TMEM132C: variants seen among roughly 807,000 people sequenced by gnomAD.
TMEM132C encodes the protein transmembrane protein 132C, also known as protein phosphatase 1, regulatory subunit 152.
TMEM132C carries 29 observed loss-of-function variants against 61.4 expected under a neutral mutation model. That is an observed-to-expected ratio of 0.47 (90% CI 0.35 to 0.64). The LOEUF (loss-of-function observed/expected upper bound fraction) is 0.64. TMEM132C is among the 30% of genes least tolerant of loss of function. The pLI, the probability that TMEM132C is intolerant of heterozygous loss-of-function variation, is 0.00. For missense variants in TMEM132C, 1,408 were observed against 1,476.9 expected (o/e 0.95, Z 0.76); for synonymous variants, 656 against 633.1 (o/e 1.04, Z -0.54).
intron 1 of TMEM132C, among the ~76,000 whole-genome samples, chr12:128,271,636 G>A (rs1870525922): frequency 6.6e-6 from 1 of 152,206 alleles, no homozygotes; most frequent in African/African-American, 2.4e-5. Flanking sequence ...GAGCAGGGGT[G>A]TCCTCCTCTG....
At chr12:128,582,722 C>T (rs1490164900) in intron 3 of TMEM132C, among the ~76,000 whole-genome samples, 5 of 152,170 alleles carry the variant, frequency 3.3e-5, no homozygotes, top group African/African-American at 9.7e-5. Flanking sequence ...CGAGGCCTCC[C>T]TAGCCATCTG....
chr12:128,451,559 A>G (rs912430251), intron 2 of TMEM132C, among the ~76,000 whole-genome samples: 3 of 152,164 alleles, frequency 2.0e-5, no homozygotes, highest in Admixed American at 6.5e-5. Flanking sequence ...TTTTCATGAG[A>G]CCTATTGTTA....
intron 3 of TMEM132C, among the ~76,000 whole-genome samples, chr12:128,568,875 GA>G (rs1327735309): frequency 6.6e-6 from 1 of 152,152 alleles, no homozygotes; most frequent in African/African-American, 2.4e-5. Context: ...GCCAGAAAAG[GA>G]TTGTTACCAT....
At chr12:128,531,219 C>G (rs1032581611) in intron 2 of TMEM132C, among the ~76,000 whole-genome samples, 16 of 152,178 alleles carry the variant, frequency 1.1e-4, no homozygotes, top group African/African-American at 3.9e-4. Context: ...CTTAGGAAAT[C>G]CTACTGCTCT....
At chr12:128,410,370 T>TAC (rs1343258110) in intron 1 of TMEM132C, among the ~76,000 whole-genome samples, 5 of 128,640 alleles carry the variant, frequency 3.9e-5, no homozygotes, top group Non-Finnish European at 9.2e-5. Flanking sequence ...TCTGAATATA[T>TAC]ATACACACAC....
intron 2 of TMEM132C, among the ~76,000 whole-genome samples, chr12:128,475,577 A>T (rs578140917): frequency 0.012 from 1,802 of 152,298 alleles, 44 homozygotes; most frequent in Admixed American, 0.059. Context: ...CAATAAAAAA[A>T]AATTTAGGTT....
intron 6 of TMEM132C, 108 bp downstream of exon 6, chr12:128,694,142 T>C: frequency 2.3e-6 from 3 of 1,282,686 alleles, no homozygotes; most frequent in Non-Finnish European, 3.2e-6. Flanking sequence ...GTCTCAGCAG[T>C]TGAATCTCCC....
chr12:128,414,825 C>A lies in TMEM132C; in HGVS notation c.179C>A (p.Thr60Asn). ...AGCTACCACATCCTCAGAGCAGAGA[C>A]CTCCTTCTTCCTCAAGGAAGCCAAC... The part of the protein sequence containing the change: ...PVSYHILRAE[T>N]SFFLKEANQD... The change falls in exon 2 of 9, where the codon ACC becomes AAC. Residue 60 changes from threonine (T) to asparagine (N), a missense_variant. Coordinates refer to ENST00000435159, the MANE Select transcript of TMEM132C (RefSeq NM_001136103.3). The A allele has an allele frequency of 6.5e-7, 1 of 1,546,384 alleles. No individual in the cohort carries two copies. Among genetic ancestry groups the A allele is most frequent in the Non-Finnish European group, 8.7e-7 (1 of 1,146,980 alleles).
intron 2 of TMEM132C, among the ~76,000 whole-genome samples, chr12:128,427,413 T>A: frequency 7.1e-6 from 1 of 141,054 alleles, no homozygotes; most frequent in African/African-American, 2.7e-5. Flanking sequence ...TGTGTGTGTG[T>A]GTGTGTGTGT....
At chr12:128,654,225 C>T (rs1954301744) in intron 4 of TMEM132C, among the ~76,000 whole-genome samples, 1 of 152,108 alleles carries the variant, frequency 6.6e-6, no homozygotes, top group Non-Finnish European at 1.5e-5. Flanking sequence ...ACTGGTGTCC[C>T]TATAGGTGGG....
chr12:128,603,730 G>C (rs1358359792), intron 3 of TMEM132C, among the ~76,000 whole-genome samples: 2 of 152,132 alleles, frequency 1.3e-5, no homozygotes, highest in Non-Finnish European at 2.9e-5. Flanking sequence ...AGGACTCAGG[G>C]TGCGGTAAAG....
intron 5 of TMEM132C, among the ~76,000 whole-genome samples, chr12:128,690,280 G>T (rs1954709894): frequency 6.6e-6 from 1 of 152,224 alleles, no homozygotes; most frequent in Non-Finnish European, 1.5e-5. Context: ...AGCAGTCTGA[G>T]AAACAAAGCC....
chr12:128,344,648 T>C (rs1201274620), intron 1 of TMEM132C, among the ~76,000 whole-genome samples: 1 of 152,214 alleles, frequency 6.6e-6, no homozygotes, highest in Non-Finnish European at 1.5e-5. Flanking sequence ...TGCCCGTCTT[T>C]ATCTCAGTCA....
intron 3 of TMEM132C, among the ~76,000 whole-genome samples, chr12:128,552,565 G>T (rs1016104853): frequency 6.6e-6 from 1 of 152,168 alleles, no homozygotes; most frequent in Admixed American, 6.5e-5. Context: ...TGGAGAAAAT[G>T]CCTATCAGTT....
At chr12:128,306,493 C>T (rs1566050457) in intron 1 of TMEM132C, among the ~76,000 whole-genome samples, 1 of 152,182 alleles carries the variant, frequency 6.6e-6, no homozygotes, top group Non-Finnish European at 1.5e-5. Flanking sequence ...TGAGCCACCG[C>T]ACCTGGCCAC....
At chr12:128,279,587 G>A (rs572431719) in intron 1 of TMEM132C, among the ~76,000 whole-genome samples, 1 of 152,306 alleles carries the variant, frequency 6.6e-6, no homozygotes, top group East Asian at 1.9e-4. Flanking sequence ...CCATGGGCCT[G>A]CTTGCTGGGC....
At chr12:128,686,121 T>C (rs562542420) in intron 5 of TMEM132C, among the ~76,000 whole-genome samples, 56 of 150,350 alleles carry the variant, frequency 3.7e-4, no homozygotes, top group Non-Finnish European at 7.3e-4. Context: ...TGTGTGTGCA[T>C]GTATGTGTGC....
At chr12:128,615,273 A>G (rs557817789) in intron 3 of TMEM132C, among the ~76,000 whole-genome samples, 25 of 152,194 alleles carry the variant, frequency 1.6e-4, no homozygotes, top group Middle Eastern at 6.8e-3. Context: ...ATGGAAGACA[A>G]TTTTTCCACA....
chr12:128,625,561 T>C lies in TMEM132C; in HGVS notation c.1305+9226T>C, dbSNP rs138401930. Among the ~76,000 whole-genome samples the C allele has an allele frequency of 2.1e-3, 323 of 152,290 alleles. 1 individual carries two copies. The highest frequency in any genetic ancestry group is 6.8e-3 in the African/African-American group (281 of 41,560). On this transcript the variant is annotated intron_variant, in intron 4 of 8. Transcript: ENST00000435159. ...AGCAAGTCACATCTTACATGGATGGTGGCAGGCAAAGAGAATTTCGAACCA... is the reference window on the plus strand; with the variant it reads ...AGCAAGTCACATCTTACATGGATGGCGGCAGGCAAAGAGAATTTCGAACCA...
Sources: gnomAD v4.1 joint callset for allele counts (sites outside exome capture counted in the v4.1 genomes callset) on GRCh38, gnomAD v4.1.1 for gene constraint, MANE v1.5 for transcripts, NCBI Gene and HGNC (gene_info 2026-07-23, HGNC 2026-07-21) for gene names.